The following SGCD variants were observed in gnomAD, a reference collection of about 807,000 sequenced individuals.
SGCD encodes sarcoglycan delta, also known as delta-sarcoglycan.
Under a neutral mutation model 36.6 loss-of-function variants are expected in SGCD, and 18 were observed. That is an observed-to-expected ratio of 0.49 (90% CI 0.34 to 0.73). SGCD has a LOEUF of 0.73. Ranked by LOEUF, SGCD falls within the 30% of genes least tolerant of loss-of-function variation. The probability of loss-of-function intolerance (pLI) is 0.01; values close to 1 mark genes in which losing one functional copy is unlikely to be tolerated. For synonymous variants in SGCD, 133 were observed against 130.6 expected (o/e 1.02, Z -0.12); for missense variants, 387 against 346.7 (o/e 1.12, Z -0.92).
At position 156,479,006 on chromosome 5, in the gene SGCD, T is replaced by A. The variant is rs150048832; in HGVS notation, c.193-29595T>A. Among the ~76,000 whole-genome samples the A allele has an allele frequency of 7.9e-3, 1,211 of 152,334 alleles. 13 individuals carry two copies. The highest frequency in any genetic ancestry group is 0.027 in the African/African-American group (1,102 of 41,556). ...CACTCTCATGTTTTATTTGATCTTGTCAGTGTTGGGAGGGGATATATGTAT... is the reference window on the plus strand; with the variant it reads ...CACTCTCATGTTTTATTTGATCTTGACAGTGTTGGGAGGGGATATATGTAT... On this transcript the variant is annotated intron_variant, in intron 3 of 8. Transcript: ENST00000337851.
intron 1 of SGCD, among the ~76,000 whole-genome samples, chr5:155,947,160 G>T (rs1220498326): frequency 1.3e-5 from 2 of 152,216 alleles, no homozygotes; most frequent in African/African-American, 4.8e-5. Context: ...TAGCTACTAT[G>T]GCATTGATGC....
intron 3 of SGCD, among the ~76,000 whole-genome samples, chr5:156,285,751 G>A (rs543480922): frequency 6.6e-6 from 1 of 152,212 alleles, no homozygotes; most frequent in South Asian, 2.1e-4. Flanking sequence ...TACCATTCAG[G>A]ACATAGGCAT....
At chr5:155,755,695 T>C in the SGCD span, among the ~76,000 whole-genome samples, 1 of 152,212 alleles carries the variant, frequency 6.6e-6, no homozygotes, top group South Asian at 2.1e-4. Context: ...CCTTCTGTGT[T>C]CTTGTAACCC....
the SGCD span, among the ~76,000 whole-genome samples, chr5:155,863,681 TA>T: frequency 6.7e-6 from 1 of 149,132 alleles, no homozygotes; most frequent in Non-Finnish European, 1.5e-5. Context: ...TACTGAAATG[TA>T]CTCTCCATGG....
intron 4 of SGCD, among the ~76,000 whole-genome samples, chr5:156,515,024 A>G (rs1280466331): frequency 3.3e-5 from 5 of 152,126 alleles, no homozygotes; most frequent in Admixed American, 1.3e-4. Flanking sequence ...CTTCCTCTGA[A>G]TCAAATGGTC....
At chr5:155,950,414 G>A (rs543164754) in intron 1 of SGCD, among the ~76,000 whole-genome samples, 5 of 152,178 alleles carry the variant, frequency 3.3e-5, no homozygotes, top group South Asian at 2.1e-4. Flanking sequence ...TAATGTCTAC[G>A]GCGAGGAGAA....
chr5:156,544,193 T>G (rs1758467568), intron 4 of SGCD, among the ~76,000 whole-genome samples: 1 of 152,210 alleles, frequency 6.6e-6, no homozygotes, highest in African/African-American at 2.4e-5. Context: ...GCATCATTAT[T>G]CTTCCTTTCC....
chr5:156,511,439 A>C (rs1756923432), intron 4 of SGCD, among the ~76,000 whole-genome samples: 1 of 152,206 alleles, frequency 6.6e-6, no homozygotes, highest in Non-Finnish European at 1.5e-5. Flanking sequence ...AATTGTAGCC[A>C]AAGTAGTCTT....
chr5:155,971,215 C>G (rs1758001559), intron 1 of SGCD, among the ~76,000 whole-genome samples: 1 of 152,106 alleles, frequency 6.6e-6, no homozygotes, highest in South Asian at 2.1e-4. Flanking sequence ...AGGGAGGAGA[C>G]TTGGAAGTGA....
intron 7 of SGCD, among the ~76,000 whole-genome samples, chr5:156,711,796 A>G (rs1755006632): frequency 6.6e-6 from 1 of 152,212 alleles, no homozygotes; most frequent in South Asian, 2.1e-4. Context: ...TGCAAGAAAG[A>G]ACTCAGGGCA....
chr5:155,787,047 G>A, the SGCD span, among the ~76,000 whole-genome samples: 8 of 152,282 alleles, frequency 5.3e-5, no homozygotes, highest in South Asian at 6.2e-4. Flanking sequence ...TTAAAAGCCC[G>A]GTAATGGCTT....
At chr5:156,560,888 G>A (rs6880543) in intron 4 of SGCD, among the ~76,000 whole-genome samples, 77,207 of 151,926 alleles carry the variant, frequency 0.51, 20,141 homozygotes, top group African/African-American at 0.61. Context: ...GATGTGGGAT[G>A]ATTAAGTCAG....
intron 3 of SGCD, among the ~76,000 whole-genome samples, chr5:156,376,179 C>G (rs1770658618): frequency 6.6e-6 from 1 of 152,156 alleles, no homozygotes; most frequent in African/African-American, 2.4e-5. Context: ...ACTCAAGAAC[C>G]CAGTCTAAAG....
At chr5:156,604,220 GC>G (rs768115094) in intron 6 of SGCD, among the ~76,000 whole-genome samples, 3 of 151,614 alleles carry the variant, frequency 2.0e-5, no homozygotes, top group East Asian at 3.9e-4. Flanking sequence ...ACTCCTGCTT[GC>G]TTTTCATTTC....
chr5:156,551,330 G>A (rs1758782766), intron 4 of SGCD, among the ~76,000 whole-genome samples: 1 of 151,818 alleles, frequency 6.6e-6, no homozygotes, highest in South Asian at 2.1e-4. Flanking sequence ...CATATTATTT[G>A]CCTTTTTAGC....
chr5:156,330,178 C>T (rs971830689), intron 2 of SGCD, among the ~76,000 whole-genome samples: 6 of 152,030 alleles, frequency 3.9e-5, no homozygotes, highest in East Asian at 1.9e-4. Context: ...TTTATTGGAA[C>T]GTTTCTGATT....
At chr5:156,439,619 C>T (rs549450054) in intron 3 of SGCD, among the ~76,000 whole-genome samples, 8 of 152,056 alleles carry the variant, frequency 5.3e-5, no homozygotes, top group South Asian at 2.1e-4. Context: ...TGAATATCTG[C>T]GCTTTATACA....
chr5:156,530,385 T>C (rs374461447), intron 4 of SGCD, among the ~76,000 whole-genome samples: 7 of 152,332 alleles, frequency 4.6e-5, no homozygotes, highest in African/African-American at 1.4e-4. Context: ...CATTAATGCA[T>C]AGGTATTTAT....
rs554618416 is a variant in SGCD at position 156,763,693 on chromosome 5, T to C, written c.*4303T>C. ...CTTTGGTCAAGATCCCTTTTGCTCATCCAGGGTTTCATACTCAATATCGCT... is the reference window on the plus strand; with the variant it reads ...CTTTGGTCAAGATCCCTTTTGCTCACCCAGGGTTTCATACTCAATATCGCT... On this transcript the variant is annotated 3_prime_UTR_variant, in exon 9 of 9. Coordinates refer to ENST00000337851, the MANE Select transcript of SGCD (RefSeq NM_000337.6). 1.1e-4 allele frequency: 17 copies of C among 151,834 alleles called. No individual in the cohort carries two copies. Among genetic ancestry groups the C allele is most frequent in the Non-Finnish European group, 2.2e-4 (15 of 67,972 alleles). 9.4% of individuals were successfully genotyped at this position (151,834 alleles called of 1,614,324 possible).
Sources: gnomAD v4.1 joint callset for allele counts (sites outside exome capture counted in the v4.1 genomes callset) on GRCh38, gnomAD v4.1.1 for gene constraint, MANE v1.5 for transcripts, NCBI Gene and HGNC (gene_info 2026-07-23, HGNC 2026-07-21) for gene names.